DNAH9: variants seen among roughly 807,000 people sequenced by gnomAD.
DNAH9 encodes the protein dynein axonemal heavy chain 9.
Under a neutral mutation model 471.6 loss-of-function variants are expected in DNAH9, and 345 were observed. That is an observed-to-expected ratio of 0.73 (90% CI 0.67 to 0.80). The LOEUF (loss-of-function observed/expected upper bound fraction) is 0.80, where lower values mean the gene tolerates loss of function less well. Among genes scored for constraint, DNAH9 ranks in the 30% least tolerant of loss-of-function variants. The probability of loss-of-function intolerance (pLI) is 0.00; values close to 1 mark genes in which losing one functional copy is unlikely to be tolerated. For synonymous variants in DNAH9, 2,093 were observed against 2,123.6 expected, an observed-to-expected ratio of 0.99 and a Z score of 0.40; for missense variants, 5,407 against 5,609.2, an observed-to-expected ratio of 0.96 and a Z score of 1.15.
At chr17:11,817,667 AC>A (rs1169153792) in intron 45 of DNAH9, among the ~76,000 whole-genome samples, 3 of 152,192 alleles carry the variant, frequency 2.0e-5, no homozygotes, top group African/African-American at 7.2e-5. Flanking sequence ...TAAACTTTCA[AC>A]ACATGCTAAA....
intron 51 of DNAH9, 56 bp downstream of exon 51, chr17:11,869,309 G>T: frequency 5.0e-6 from 8 of 1,598,858 alleles, no homozygotes; most frequent in Non-Finnish European, 5.1e-6. Flanking sequence ...CTTGTCAAAT[G>T]CCGTGGAGGT....
At chr17:11,704,015 G>C (rs547418298) in intron 24 of DNAH9, among the ~76,000 whole-genome samples, 188 bp from the exon 25 acceptor site, 3 of 152,330 alleles carry the variant, frequency 2.0e-5, no homozygotes, top group African/African-American at 7.2e-5. Flanking sequence ...TTTCCCACCT[G>C]TACCGCAACA....
chr17:11,651,659 A>G (rs1417536527), intron 13 of DNAH9, among the ~76,000 whole-genome samples: 2 of 152,296 alleles, frequency 1.3e-5, no homozygotes, highest in South Asian at 2.1e-4. Context: ...TAATTTTCTT[A>G]ACTAGATTGT....
intron 48 of DNAH9, among the ~76,000 whole-genome samples, chr17:11,833,865 G>T (rs1471455035): frequency 2.6e-5 from 4 of 152,022 alleles, no homozygotes; most frequent in African/African-American, 7.2e-5. Flanking sequence ...TTCCCTTTTT[G>T]TATCTTGTTA....
intron 12 of DNAH9, among the ~76,000 whole-genome samples, chr17:11,647,425 C>A (rs1272484694): frequency 5.3e-5 from 8 of 152,068 alleles, no homozygotes; most frequent in Non-Finnish European, 1.0e-4. Context: ...TAAGAACATG[C>A]AAAAGATTCT....
At chr17:11,755,448 C>A (rs2150856448) in intron 33 of DNAH9, among the ~76,000 whole-genome samples, 1 of 152,284 alleles carries the variant, frequency 6.6e-6, no homozygotes, top group East Asian at 1.9e-4. Flanking sequence ...TCTTCCTATC[C>A]ATGAACACGG....
At chr17:11,966,190 A>G (rs1976703677) in intron 68 of DNAH9, among the ~76,000 whole-genome samples, 1 of 152,276 alleles carries the variant, frequency 6.6e-6, no homozygotes, top group African/African-American at 2.4e-5. Flanking sequence ...GGTGAAAGAT[A>G]AAGAAGAAAA....
At chr17:11,956,366 GAAGA>G (rs1415541132) in intron 67 of DNAH9, among the ~76,000 whole-genome samples, 17 of 152,098 alleles carry the variant, frequency 1.1e-4, no homozygotes, top group African/African-American at 3.9e-4. Context: ...AGAATCAAAA[GAAGA>G]AATAAACAAA....
Position 11,730,875 on chromosome 17 carries a change from AATGATG to A in DNAH9, c.5814+2963_5814+2968del, listed in dbSNP as rs543797558. Reference sequence around the variant, plus strand: ...CGGTGGTAGTGGTGGTGATGATTCTAATGATGATGATGATGGAGATGATAATGGTGA... The same window carrying A: ...CGGTGGTAGTGGTGGTGATGATTCTAATGATGATGGAGATGATAATGGTGA... On this transcript the variant is annotated intron_variant, in intron 28 of 68. Coordinates refer to ENST00000262442, the MANE Select transcript of DNAH9 (RefSeq NM_001372.4). Among the ~76,000 whole-genome samples the A allele has an allele frequency of 3.9e-3, 581 of 149,818 alleles. 2 individuals are homozygous for A. The highest frequency in any genetic ancestry group is 7.0e-3 in the Non-Finnish European group (472 of 67,494).
At chr17:11,919,494 C>CGAA (rs1974064246) in intron 61 of DNAH9, among the ~76,000 whole-genome samples, 1 of 107,554 alleles carries the variant, frequency 9.3e-6, no homozygotes. Flanking sequence ...GACTCCGTCT[C>CGAA]AAAAAAAAAA....
chr17:11,903,234 G>C (rs1214728549), intron 60 of DNAH9, among the ~76,000 whole-genome samples: 2 of 152,280 alleles, frequency 1.3e-5, no homozygotes, highest in East Asian at 3.9e-4. Flanking sequence ...AGCTACTCTG[G>C]AGGCTGAGGC....
Position 11,642,977 on chromosome 17 carries a change from A to G in DNAH9, c.1902-1654A>G, listed in dbSNP as rs190137737. ...TTCTGTGGAAAGCTCGAGGGATCTGATGAAGAAATCCTATGTTGGTTTAAA... is the reference window on the plus strand; with the variant it reads ...TTCTGTGGAAAGCTCGAGGGATCTGGTGAAGAAATCCTATGTTGGTTTAAA... On this transcript the variant is annotated intron_variant, in intron 10 of 68. Coordinates refer to ENST00000262442, the MANE Select transcript of DNAH9 (RefSeq NM_001372.4). 2.0e-4 allele frequency among the ~76,000 whole-genome samples: 30 copies of G among 152,370 alleles called. No homozygotes were observed. In the South Asian group the frequency reaches 2.3e-3, roughly 12 times the overall value.
At chr17:11,748,335 A>G (rs1966986080) in intron 32 of DNAH9, among the ~76,000 whole-genome samples, 1 of 152,046 alleles carries the variant, frequency 6.6e-6, no homozygotes, top group Admixed American at 6.5e-5. Context: ...TCAAATAAAT[A>G]AATAAGATAA....
chr17:11,753,626 A>G (rs138900127), intron 33 of DNAH9, among the ~76,000 whole-genome samples: 1,528 of 152,304 alleles, frequency 0.01, 25 homozygotes, highest in African/African-American at 0.035. Flanking sequence ...AGATCGCGCC[A>G]TTGCACTCCA....
intron 15 of DNAH9, among the ~76,000 whole-genome samples, chr17:11,668,452 G>C (rs1304248402): frequency 2.0e-5 from 3 of 152,102 alleles, no homozygotes. Context: ...GAATCACGAG[G>C]TCAGGAGTTT....
chr17:11,704,974 G>A, intron 25 of DNAH9, 51 bp from the exon 26 acceptor site: 1 of 1,525,070 alleles, frequency 6.6e-7, no homozygotes, highest in Non-Finnish European at 9.1e-7. Context: ...GTGGCCAAGG[G>A]ACTACCTGCT....
chr17:11,719,904 T>C (rs2075024673), intron 27 of DNAH9, among the ~76,000 whole-genome samples: 1 of 152,216 alleles, frequency 6.6e-6, no homozygotes. Flanking sequence ...ACATAAAAGC[T>C]TGACGTATTT....
intron 52 of DNAH9, among the ~76,000 whole-genome samples, chr17:11,874,043 G>C (rs559089410): frequency 1.0e-3 from 156 of 152,074 alleles, no homozygotes; most frequent in Non-Finnish European, 2.0e-3. Context: ...TCAGGAGTTC[G>C]AGACCAGCCT....
chr17:11,884,796 G>C (rs1972829870), intron 56 of DNAH9, among the ~76,000 whole-genome samples: 1 of 152,114 alleles, frequency 6.6e-6, no homozygotes, highest in African/African-American at 2.4e-5. Context: ...AGTTTGTAAA[G>C]TAATTACGGT....
Sources: gnomAD v4.1 joint callset for allele counts (sites outside exome capture counted in the v4.1 genomes callset) on GRCh38, gnomAD v4.1.1 for gene constraint, MANE v1.5 for transcripts, NCBI Gene and HGNC (gene_info 2026-07-23, HGNC 2026-07-21) for gene names.